Variants in EPHA10 observed in about 807,000 individuals in gnomAD.
EPHA10 encodes EPH receptor A10.
EPHA10 carries 120 observed loss-of-function variants against 109.7 expected under a neutral mutation model. The observed-to-expected ratio is 1.09, with a 90% confidence interval of 0.94 to 1.27. The LOEUF (loss-of-function observed/expected upper bound fraction) is 1.27, where lower values mean the gene tolerates loss of function less well. EPHA10 is among the 50% of genes most tolerant of loss of function. The probability of loss-of-function intolerance (pLI) is 0.00; values close to 1 mark genes in which losing one functional copy is unlikely to be tolerated. For missense variants in EPHA10, 1,396 were observed against 1,411.1 expected, an observed-to-expected ratio of 0.99 and a Z score of 0.17; for synonymous variants, 640 against 618.9, an observed-to-expected ratio of 1.03 and a Z score of -0.51.
chr1:37,735,305 T>TC lies in EPHA10; in HGVS notation c.1442dup (p.Ala482SerfsTer6). The stretch of plus-strand genomic sequence containing the variant: ...ACTCCGTGTCATTGGCCCCAGGGGC[T>TC]CCGGCAGGGATGGGCTCCCGCCACG... On this transcript the variant is annotated frameshift_variant, in exon 6 of 17. Transcript: ENST00000373048. LOFTEE classifies it high-confidence loss of function. 6.4e-7 allele frequency: 1 copy of TC among 1,560,876 alleles called. No individual in the cohort carries two copies. Among genetic ancestry groups the TC allele is most frequent in the South Asian group, 1.2e-5 (1 of 84,718 alleles).
At chr1:37,759,438 T>A (rs1033891421) in intron 3 of EPHA10, among the ~76,000 whole-genome samples, 2 of 152,200 alleles carry the variant, frequency 1.3e-5, no homozygotes, top group Non-Finnish European at 2.9e-5. Context: ...CCTTCTCACC[T>A]TCTCTGGGAA....
chr1:37,714,557 C>T (rs1012978258), downstream of EPHA10, among the ~76,000 whole-genome samples: 27 of 152,116 alleles, frequency 1.8e-4, no homozygotes, highest in African/African-American at 6.3e-4. Context: ...TTGAATTGTG[C>T]CCCCCGCCAG....
chr1:37,720,529 C>T lies in EPHA10; in HGVS notation c.2234G>A (p.Gly745Glu). Residue 745 changes from glycine (G) to glutamate (E), a missense_variant, in exon 13 of 17, where the codon GGG becomes GAG. Physicochemically the swap from Gly to Glu is moderately conservative, Grantham distance 98. Coordinates refer to ENST00000373048, the MANE Select transcript of EPHA10 (RefSeq NM_001099439.2). The part of the protein sequence containing the change: ...LRRHEGQLVA[G>E]QLMGLLPGLA... ...CCCAGGCAGCAACCCCATCAGTTGC[C>T]CAGCCACCAGCTGCCCCTCGTGCCG... The T allele has an allele frequency of 6.2e-7, 1 of 1,612,146 alleles. No individual in the cohort carries two copies. The highest frequency in any genetic ancestry group is 8.5e-7 in the Non-Finnish European group (1 of 1,179,460).
chr1:37,751,714 A>G lies in EPHA10; in HGVS notation c.1357+1162T>C, dbSNP rs374203499. ...TGGTGAAACCCCGTCTCTACTAAAA[A>G]ATACAAAAATTAGCTGGGCGTGGTG... On this transcript the variant is annotated intron_variant, in intron 5 of 16. Coordinates refer to ENST00000373048, the MANE Select transcript of EPHA10 (RefSeq NM_001099439.2). Among the ~76,000 whole-genome samples, 3 of 151,288 alleles carry G rather than the reference A, an allele frequency of 2.0e-5. No individual in the cohort carries two copies. The East Asian group carries it at 5.8e-4, about 29-fold the overall frequency.
intron 5 of EPHA10, among the ~76,000 whole-genome samples, chr1:37,751,912 T>C (rs2148363068): frequency 6.6e-6 from 1 of 151,562 alleles, no homozygotes; most frequent in Non-Finnish European, 1.5e-5. Context: ...GTTAAGCAGG[T>C]TAAAGAATTA....
chr1:37,741,308 C>T (rs948581425), intron 5 of EPHA10, among the ~76,000 whole-genome samples: 1 of 152,204 alleles, frequency 6.6e-6, no homozygotes, highest in African/African-American at 2.4e-5. Context: ...ATGATTCAAA[C>T]TTCCCACTGG....
At position 37,764,409 on chromosome 1, in the gene EPHA10, G is replaced by A. The variant is rs1646458208; in HGVS notation, c.106+552C>T. On this transcript the variant is annotated intron_variant, in intron 1 of 16. Coordinates refer to ENST00000373048, the MANE Select transcript of EPHA10 (RefSeq NM_001099439.2). The surrounding 1 kb of genome is among the most constrained non-coding windows in gnomAD (Gnocchi z 5.8). ...GACGCGGGCTCCAGTATCGCCGACA[G>A]CCTCAAACCCGGCAACGCGGAGCGC... Among the ~76,000 whole-genome samples the A allele has an allele frequency of 6.6e-6, 1 of 152,210 alleles. No individual in the cohort carries two copies. Among genetic ancestry groups the A allele is most frequent in the Admixed American group, 6.5e-5 (1 of 15,284 alleles).
At chr1:37,752,828 G>T in intron 5 of EPHA10, 48 bp downstream of exon 5, 1 of 1,216,684 alleles carries the variant, frequency 8.2e-7, no homozygotes, top group Non-Finnish European at 1.0e-6. Context: ...GAGGGCGCAG[G>T]GGCGGCAGGC....
chr1:37,723,225 G>A (rs1569639124), intron 9 of EPHA10, 59 bp from the exon 10 acceptor site: 10 of 1,604,798 alleles, frequency 6.2e-6, no homozygotes, highest in African/African-American at 2.7e-5. Flanking sequence ...GCTGACAAGC[G>A]GGCTCATGCA....
intron 3 of EPHA10, chr1:37,761,088 T>TA (rs375615094): frequency 0.066 from 62,378 of 939,004 alleles, 509 homozygotes; most frequent in Middle Eastern, 0.08. Context: ...ACTCCTTATT[T>TA]TAAAAAAAAA....
intron 16 of EPHA10, 86 bp downstream of exon 16, chr1:37,718,575 G>A: frequency 6.2e-7 from 1 of 1,611,690 alleles, no homozygotes; most frequent in Non-Finnish European, 8.5e-7. Flanking sequence ...CGCTTCTCTG[G>A]ACAGGTTGGG....
At chr1:37,724,099 G>A (rs894425257) in intron 8 of EPHA10, among the ~76,000 whole-genome samples, 15 of 152,248 alleles carry the variant, frequency 9.9e-5, no homozygotes, top group African/African-American at 2.7e-4. Context: ...AAGCTGCCAC[G>A]GGTGTCACCA....
intron 5 of EPHA10, among the ~76,000 whole-genome samples, chr1:37,736,678 A>C (rs1646078003): frequency 6.6e-6 from 1 of 152,106 alleles, no homozygotes; most frequent in Admixed American, 6.5e-5. Flanking sequence ...ACTGCACTCC[A>C]ACCTGGGCAA....
chr1:37,745,791 A>G (rs1646231696), intron 5 of EPHA10, among the ~76,000 whole-genome samples: 1 of 152,198 alleles, frequency 6.6e-6, no homozygotes, highest in African/African-American at 2.4e-5. Flanking sequence ...CGGAGGTTGC[A>G]GTGAGCTGAG....
At chr1:37,720,192 G>A in intron 13 of EPHA10, 134 bp from the exon 14 acceptor site, 2 of 1,419,072 alleles carry the variant, frequency 1.4e-6, no homozygotes, top group Non-Finnish European at 1.9e-6. Flanking sequence ...ATCTGGGAAA[G>A]ACAGAAAAGC....
At chr1:37,740,743 G>A (rs1378257111) in intron 5 of EPHA10, among the ~76,000 whole-genome samples, 1 of 152,196 alleles carries the variant, frequency 6.6e-6, no homozygotes, top group Admixed American at 6.5e-5. Flanking sequence ...CCTGGGGTTA[G>A]TGTTCGGCAA....
At chr1:37,747,182 A>G (rs1646253556) in intron 5 of EPHA10, among the ~76,000 whole-genome samples, 1 of 152,222 alleles carries the variant, frequency 6.6e-6, no homozygotes, top group African/African-American at 2.4e-5. Flanking sequence ...GAAGTGACAA[A>G]GCTATATTCA....
At chr1:37,735,121 G>C in intron 6 of EPHA10, 136 bp downstream of exon 6, 1 of 1,173,152 alleles carries the variant, frequency 8.5e-7, no homozygotes, top group Non-Finnish European at 1.2e-6. Flanking sequence ...CTCGAGCCTG[G>C]GGCCCCTAGG....
intron 5 of EPHA10, among the ~76,000 whole-genome samples, chr1:37,746,600 G>A (rs1322378500): frequency 6.6e-6 from 1 of 152,046 alleles, no homozygotes; most frequent in East Asian, 1.9e-4. Context: ...TAGGTATATA[G>A]CCATGAAAAC....
Sources: allele counts gnomAD v4.1 joint callset (sites outside exome capture counted in the v4.1 genomes callset), GRCh38; gene constraint gnomAD v4.1.1; non-coding constraint Gnocchi (gnomAD v3.1); transcripts MANE v1.5; gene names NCBI Gene and HGNC (gene_info 2026-07-23, HGNC 2026-07-21).